CREB3L3: variants seen among roughly 807,000 people sequenced by gnomAD.
The protein encoded by CREB3L3 is cAMP responsive element binding protein 3 like 3.
Under a neutral mutation model 44.6 loss-of-function variants are expected in CREB3L3, and 40 were observed. The ratio of observed to expected loss-of-function variants is 0.90; its 90% CI spans 0.70 to 1.17. The LOEUF is 1.17. Ranked by LOEUF, CREB3L3 falls within the 50% of genes most tolerant of loss-of-function variation. The pLI is 0.00. For synonymous variants in CREB3L3, 273 were observed against 256.3 expected, an observed-to-expected ratio of 1.06 and a Z score of -0.62; for missense variants, 578 against 595.8, an observed-to-expected ratio of 0.97 and a Z score of 0.31.
intron 7 of CREB3L3, among the ~76,000 whole-genome samples, 164 bp from the exon 8 acceptor site, chr19:4,170,927 A>G (rs1272034299): frequency 1.3e-4 from 17 of 130,748 alleles, no homozygotes; most frequent in African/African-American, 4.2e-4. Context: ...ATAAATAAAT[A>G]AATAAACAAA....
In CREB3L3 at chr19:4,159,943, G is replaced by A. The variant is rs537755132; in HGVS notation, c.576+161G>A. ...CCATTCCAGTCCTGGGCTCACTGTCGCCTGGGCTGGGGTGTCTTCCTCTGT... is the reference window on the plus strand; with the variant it reads ...CCATTCCAGTCCTGGGCTCACTGTCACCTGGGCTGGGGTGTCTTCCTCTGT... On this transcript the variant is annotated intron_variant, in intron 4 of 9. Transcript: ENST00000078445. Among the ~76,000 whole-genome samples, 12 of 152,216 alleles carry A rather than the reference G, an allele frequency of 7.9e-5. No homozygotes were observed. The South Asian group carries it at 1.2e-3, about 16-fold the overall frequency.
intron 3 of CREB3L3, among the ~76,000 whole-genome samples, chr19:4,158,799 C>CAAA (rs760741012): frequency 1.6e-5 from 1 of 64,330 alleles, no homozygotes; most frequent in Admixed American, 1.9e-4. Context: ...GACTCCGTCT[C>CAAA]AAAAAAAAAA....
chr19:4,168,148 G>A (rs558671298), intron 5 of CREB3L3, among the ~76,000 whole-genome samples: 46 of 151,622 alleles, frequency 3.0e-4, no homozygotes, highest in Non-Finnish European at 5.4e-4. Flanking sequence ...ACAGGCACCC[G>A]CCACCATGCC....
At chr19:4,163,224 C>T (rs1297089678) in intron 4 of CREB3L3, among the ~76,000 whole-genome samples, 6 of 151,768 alleles carry the variant, frequency 4.0e-5, no homozygotes, top group Non-Finnish European at 5.9e-5. Flanking sequence ...AGGAGAATGG[C>T]GTGAACCCGG....
intron 3 of CREB3L3, among the ~76,000 whole-genome samples, chr19:4,157,525 T>G (rs1282806759): frequency 6.6e-6 from 1 of 152,134 alleles, no homozygotes. Flanking sequence ...AACAGTCCTG[T>G]CAGGTTGAGC....
chr19:4,169,994 A>T, intron 6 of CREB3L3, 146 bp from the exon 7 acceptor site: 1 of 774,906 alleles, frequency 1.3e-6, no homozygotes, highest in Non-Finnish European at 2.3e-6. Context: ...GCCCTGTCTG[A>T]CCTGCCGAGT....
At position 4,157,190 on chromosome 19, in the gene CREB3L3, C is replaced by G. The variant is rs77528283; in HGVS notation, c.352C>G (p.Pro118Ala). ...TSPAGCHPAQ[P>A]GKGPCLSYHP... ...CCCCGCCGGCTGCCATCCTGCCCAG[C>G]CTGGCAAGGGGCCCTGCCTCTCCTA... is the stretch of plus-strand genomic sequence containing the variant. Residue 118 changes from proline to alanine, a missense_variant, in exon 3 of 10, where the codon CCT becomes GCT. Physicochemically the swap from Pro to Ala is conservative, Grantham distance 27. Transcript: ENST00000078445. 7.6e-5 allele frequency: 123 copies of G among 1,613,936 alleles called. No individual in the cohort carries two copies. Among genetic ancestry groups the G allele is most frequent in the Non-Finnish European group, 9.1e-5 (107 of 1,180,002 alleles).
intron 5 of CREB3L3, among the ~76,000 whole-genome samples, chr19:4,166,691 TG>T (rs1166618941): frequency 6.6e-6 from 1 of 151,038 alleles, no homozygotes; most frequent in Non-Finnish European, 1.5e-5. Context: ...CCACCGTGCC[TG>T]GCCCCATCTG....
chr19:4,165,950 T>C (rs1272484701), intron 5 of CREB3L3, among the ~76,000 whole-genome samples: 1 of 152,132 alleles, frequency 6.6e-6, no homozygotes, highest in Non-Finnish European at 1.5e-5. Context: ...ATTACTTGAA[T>C]GTCCTCTGTT....
intron 4 of CREB3L3, among the ~76,000 whole-genome samples, chr19:4,160,417 G>C (rs1275298266): frequency 6.6e-6 from 1 of 151,856 alleles, no homozygotes; most frequent in African/African-American, 2.4e-5. Context: ...TATCGCCCAG[G>C]CTGGAGTGCA....
In CREB3L3 at chr19:4,172,033, G is replaced by T. The variant is rs903269680; in HGVS notation, c.*64G>T. The T allele has an allele frequency of 1.4e-5, 21 of 1,461,446 alleles. No individual in the cohort carries two copies. In the Middle Eastern group the frequency reaches 9.7e-4, roughly 67 times the overall value. The allele number at this position is 1,461,446 out of a possible 1,614,324, so 90.5% of individuals were successfully genotyped here. ...GGGTGCCTTGGGGATGCTGCACTGG[G>T]CAGCTACCCACCTGGGGATGGGACG... On this transcript the variant is annotated 3_prime_UTR_variant, in exon 10 of 10. Transcript: ENST00000078445.
At chr19:4,168,219 G>A (rs1468756975) in intron 5 of CREB3L3, 132 bp from the exon 6 acceptor site, 32 of 608,070 alleles carry the variant, frequency 5.3e-5, no homozygotes, top group African/African-American at 1.1e-4. Flanking sequence ...GGCTGGTCTC[G>A]AACTCCTGAC....
At chr19:4,160,190 G>A (rs562742147) in intron 4 of CREB3L3, among the ~76,000 whole-genome samples, 140 of 151,482 alleles carry the variant, frequency 9.2e-4, no homozygotes, top group Middle Eastern at 3.4e-3. Flanking sequence ...CAGCTACTCG[G>A]GAGGCTGAGG....
At position 4,153,715 on chromosome 19, in the gene CREB3L3, C is replaced by T. The variant is rs202000291; in HGVS notation, c.-33C>T. 5.5e-5 allele frequency: 88 copies of T among 1,613,856 alleles called. No individual in the cohort carries two copies. In the East Asian group the frequency reaches 1.9e-3, roughly 34 times the overall value. ...GCCTCCAGCTTGGAGCAGAGACCCCCCGAGGCATCTGCAGACAGAACTGGA... is the reference window on the plus strand; with the variant it reads ...GCCTCCAGCTTGGAGCAGAGACCCCTCGAGGCATCTGCAGACAGAACTGGA... On this transcript the variant is annotated 5_prime_UTR_variant, in exon 1 of 10. Transcript: ENST00000078445.
At position 4,171,733 on chromosome 19, in the gene CREB3L3, C is replaced by G. The variant is rs764242524; in HGVS notation, c.1150C>G (p.Pro384Ala). ...TGTGCCAGGCTCCGAGGCCCCAGGACCCCGACCCGAGGCTGACACAACCCG... is the reference window on the plus strand; with the variant it reads ...TGTGCCAGGCTCCGAGGCCCCAGGAGCCCGACCCGAGGCTGACACAACCCG... The part of the protein sequence containing the change: ...DAVPGSEAPG[P>A]RPEADTTREE... Residue 384 changes from proline (P) to alanine (A), a missense_variant, in exon 10 of 10, where the codon CCC becomes GCC. Physicochemically the swap from Pro to Ala is conservative, Grantham distance 27. Transcript: ENST00000078445. This position sits in a 1 kb window ranked among gnomAD's most constrained non-coding sequence, Gnocchi z 4.9. 1.9e-6 allele frequency: 3 copies of G among 1,613,298 alleles called. No homozygotes were observed. The Admixed American group carries it at 5.0e-5, about 27-fold the overall frequency.
At chr19:4,158,061 C>T (rs926814150) in intron 3 of CREB3L3, among the ~76,000 whole-genome samples, 1 of 152,090 alleles carries the variant, frequency 6.6e-6, no homozygotes, top group African/African-American at 2.4e-5. Flanking sequence ...TGGGGAACAG[C>T]AGATCAGTAA....
chr19:4,159,118 G>A lies in CREB3L3; in HGVS notation c.458-546G>A, dbSNP rs112073122. On this transcript the variant is annotated intron_variant, in intron 3 of 9. Coordinates refer to ENST00000078445, the MANE Select transcript of CREB3L3 (RefSeq NM_032607.3). ...TGTGTCTTCCTCAGCCTTGTGGGAC[G>A]GACAGAACCAAGCCCTGTTGAATTT... Among the ~76,000 whole-genome samples, 1,346 of 152,002 alleles carry A rather than the reference G, an allele frequency of 8.9e-3. 28 individuals are homozygous for A. The highest frequency in any genetic ancestry group is 0.031 in the African/African-American group (1,300 of 41,482).
chr19:4,154,221 A>G (rs2041544443), intron 1 of CREB3L3, among the ~76,000 whole-genome samples: 1 of 151,400 alleles, frequency 6.6e-6, no homozygotes. Context: ...ACAGGTGTGC[A>G]CCACCACGCC....
Position 4,171,991 on chromosome 19 carries a change from C to T in CREB3L3, c.*22C>T, listed in dbSNP as rs1379198146. 6.4e-7 allele frequency: 1 copy of T among 1,561,544 alleles called. No homozygotes were observed. The highest frequency in any genetic ancestry group is 1.1e-5 in the South Asian group (1 of 87,122). On this transcript the variant is annotated 3_prime_UTR_variant, in exon 10 of 10. Transcript: ENST00000078445. This position sits in a 1 kb window ranked among gnomAD's most constrained non-coding sequence, Gnocchi z 4.9. ...GTGAGCCCCGCCAGGACTATGCTCCCAGGCCCCTCTGCCCAGGGGTGCCTT... is the reference window on the plus strand; with the variant it reads ...GTGAGCCCCGCCAGGACTATGCTCCTAGGCCCCTCTGCCCAGGGGTGCCTT...
Sources: allele counts gnomAD v4.1 joint callset (sites outside exome capture counted in the v4.1 genomes callset), GRCh38; gene constraint gnomAD v4.1.1; non-coding constraint Gnocchi (gnomAD v3.1); transcripts MANE v1.5; gene names NCBI Gene and HGNC (gene_info 2026-07-23, HGNC 2026-07-21).